The following SARDH variants were observed in gnomAD, a reference collection of about 807,000 sequenced individuals.
SARDH encodes sarcosine dehydrogenase, also known as sarcosine dehydrogenase, mitochondrial.
In SARDH, 95 loss-of-function variants were observed where a neutral mutation model predicts 109.1. The observed-to-expected ratio is 0.87, with a 90% CI of 0.74 to 1.03. SARDH has a LOEUF of 1.03. SARDH is among the 50% of genes least tolerant of loss of function. The pLI, the probability that SARDH is intolerant of heterozygous loss-of-function variation, is 0.00. For synonymous variants in SARDH, 572 were observed against 534.8 expected (o/e 1.07, Z -0.96); for missense variants, 1,267 against 1,287.8 (o/e 0.98, Z 0.25).
chr9:133,733,950 C>T lies in SARDH; in HGVS notation c.224G>A (p.Gly75Asp), dbSNP rs1832774000. ...STANVVVIGG[G>D]SLGCQTLYHL... ...GTACAGGGTCTGGCAGCCCAAGCTG[C>T]CTCCACCAATGACCACCACGTTGGC... The change falls in exon 2 of 21, where the codon GGC becomes GAC. Residue 75 changes from glycine to aspartate, a missense_variant. Coordinates refer to ENST00000439388, the MANE Select transcript of SARDH (RefSeq NM_001134707.2). 1.2e-6 allele frequency: 2 copies of T among 1,605,934 alleles called. No homozygotes were observed.
intron 17 of SARDH, among the ~76,000 whole-genome samples, chr9:133,681,433 G>A (rs943125950): frequency 1.3e-5 from 2 of 152,212 alleles, no homozygotes; most frequent in Non-Finnish European, 2.9e-5. Context: ...ATGAGAACCC[G>A]TTGGCCTGGG....
At chr9:133,694,219 C>T (rs1236946970) in intron 15 of SARDH, 39 bp downstream of exon 15, 10 of 1,436,924 alleles carry the variant, frequency 7.0e-6, no homozygotes, top group African/African-American at 1.4e-5. Flanking sequence ...ACAGAGCAGG[C>T]CGCAGTCACA....
intron 18 of SARDH, among the ~76,000 whole-genome samples, chr9:133,671,066 C>T (rs768847711): frequency 2.1e-4 from 32 of 152,220 alleles, no homozygotes; most frequent in South Asian, 6.2e-4. Context: ...AGCTGCCTGA[C>T]GCCCAAGCTG....
chr9:133,681,554 G>C (rs1375139949), intron 17 of SARDH, among the ~76,000 whole-genome samples: 1 of 152,198 alleles, frequency 6.6e-6, no homozygotes, highest in African/African-American at 2.4e-5. Context: ...GAGGGAAGGA[G>C]CCACATCTTC....
chr9:133,690,467 G>T lies in SARDH; in HGVS notation c.1982C>A (p.Thr661Asn), dbSNP rs765995193. The change falls in exon 16 of 21, where the codon ACC becomes AAC. Residue 661 changes from threonine (T) to asparagine (N), a missense_variant. Thr to Asn is a moderately conservative substitution (Grantham distance 65). Transcript: ENST00000439388. ...AVAQHNWSHITTVLQDQKSQC... is the reference protein window; with the variant it reads ...AVAQHNWSHINTVLQDQKSQC... Reference sequence around the variant, plus strand: ...GGACTTCTGGTCCTGCAGCACGGTGGTGATGTGGGACCAGTTGTGCTGGGC... The same window carrying T: ...GGACTTCTGGTCCTGCAGCACGGTGTTGATGTGGGACCAGTTGTGCTGGGC... 1 of 1,612,212 alleles carries T rather than the reference G, an allele frequency of 6.2e-7. No individual in the cohort carries two copies. Among genetic ancestry groups the T allele is most frequent in the African/African-American group, 1.3e-5 (1 of 74,922 alleles).
At chr9:133,721,101 C>T (rs778910328) in intron 6 of SARDH, among the ~76,000 whole-genome samples, 24 of 152,182 alleles carry the variant, frequency 1.6e-4, no homozygotes, top group Non-Finnish European at 2.1e-4. Context: ...AAAATGGAGT[C>T]GAGAAAAATG....
intron 8 of SARDH, among the ~76,000 whole-genome samples, chr9:133,715,570 G>A (rs1409349386): frequency 3.3e-5 from 5 of 152,118 alleles, no homozygotes; most frequent in South Asian, 2.1e-4. Context: ...CCCTGCTGAC[G>A]GCTGAGCAGA....
chr9:133,665,463 ACT>A (rs1473592290), intron 20 of SARDH, among the ~76,000 whole-genome samples: 3 of 151,662 alleles, frequency 2.0e-5, no homozygotes, highest in Admixed American at 2.0e-4. Flanking sequence ...ATTAAGACTC[ACT>A]CTGTGCAGTG....
intron 19 of SARDH, among the ~76,000 whole-genome samples, chr9:133,670,045 C>T (rs990665317): frequency 3.9e-5 from 6 of 152,200 alleles, no homozygotes; most frequent in Non-Finnish European, 8.8e-5. Flanking sequence ...TGGTTTGAAT[C>T]CCAGCATGTT....
chr9:133,694,178 TC>T (rs1425672702), intron 15 of SARDH, 79 bp downstream of exon 15: 1 of 1,062,480 alleles, frequency 9.4e-7, no homozygotes, highest in Non-Finnish European at 1.4e-6. Flanking sequence ...GCCCATCCCG[TC>T]CATCCTGCCC....
In SARDH at chr9:133,699,214, T is replaced by C. The variant is rs532641853; in HGVS notation, c.1669-2853A>G. ...ATACAAAATTAGCTGGGCGTGGTGG[T>C]GCATGCCTGTAATCCCAGCTACTCA... On this transcript the variant is annotated intron_variant, in intron 13 of 20. Coordinates refer to ENST00000439388, the MANE Select transcript of SARDH (RefSeq NM_001134707.2). 1.3e-4 allele frequency among the ~76,000 whole-genome samples: 20 copies of C among 151,864 alleles called. 2 individuals carry two copies. The highest frequency in any genetic ancestry group is 1.3e-3 in the Admixed American group (20 of 15,254).
rs759513791 is a variant in SARDH at position 133,704,150 on chromosome 9, C to A, written c.1554+798G>T. Among the ~76,000 whole-genome samples, 2 of 152,084 alleles carry A rather than the reference C, an allele frequency of 1.3e-5. No individual in the cohort carries two copies. The highest frequency in any genetic ancestry group is 1.3e-4 in the Admixed American group (2 of 15,280). ...GAGACGATGACCTGCAAGGCTCTGA[C>A]CCCAGAGCCGTGGCCCCGTTAGCCA... On this transcript the variant is annotated intron_variant, in intron 12 of 20. Coordinates refer to ENST00000439388, the MANE Select transcript of SARDH (RefSeq NM_001134707.2). This position sits in a 1 kb window ranked among gnomAD's most constrained non-coding sequence, Gnocchi z 4.5.
intron 1 of SARDH, among the ~76,000 whole-genome samples, chr9:133,737,705 G>A (rs1021102959): frequency 6.6e-6 from 1 of 152,248 alleles, no homozygotes; most frequent in African/African-American, 2.4e-5. Flanking sequence ...TGGTCAGTCA[G>A]GGCTCTTCTG....
intron 7 of SARDH, 96 bp from the exon 8 acceptor site, chr9:133,717,551 C>G: frequency 6.5e-7 from 1 of 1,530,210 alleles, no homozygotes; most frequent in South Asian, 1.2e-5. Context: ...AGGCCAGCCT[C>G]TGCTGAATCA....
At chr9:133,713,172 C>T in intron 8 of SARDH, 48 bp from the exon 9 acceptor site, 1 of 1,526,910 alleles carries the variant, frequency 6.5e-7, no homozygotes, top group South Asian at 1.2e-5. Context: ...AGTGCACATA[C>T]TCTTGGGGTG....
At chr9:133,685,986 C>T (rs1215363130) in intron 16 of SARDH, among the ~76,000 whole-genome samples, 1 of 152,150 alleles carries the variant, frequency 6.6e-6, no homozygotes, top group African/African-American at 2.4e-5. Context: ...GAGAGCTGGG[C>T]TTAGCACCCA....
At chr9:133,676,382 G>A (rs188627836) in intron 17 of SARDH, among the ~76,000 whole-genome samples, 297 of 152,278 alleles carry the variant, frequency 2.0e-3, no homozygotes, top group Middle Eastern at 3.4e-3. Flanking sequence ...TTGCCTCAAT[G>A]GGGACAGAGC....
intron 17 of SARDH, among the ~76,000 whole-genome samples, chr9:133,683,371 G>A (rs1415220030): frequency 2.0e-5 from 3 of 152,242 alleles, no homozygotes; most frequent in African/African-American, 4.8e-5. Flanking sequence ...AAACCAGACA[G>A]AAGCAGCACC....
At position 133,704,955 on chromosome 9, in the gene SARDH, G is replaced by A; in HGVS notation, c.1547C>T (p.Pro516Leu). 6.3e-7 allele frequency: 1 copy of A among 1,577,086 alleles called. No homozygotes were observed. The highest frequency in any genetic ancestry group is 1.2e-5 in the South Asian group (1 of 85,848). The stretch of plus-strand genomic sequence containing the variant: ...CCAGCAGGCACTACTCACCGGAGCT[G>A]GGCCTCGGGGATGAAACCATCCCGG... ...ERPGWFHPRG[P>L]APVLEYDYYG... is the part of the protein sequence containing the mutation. Residue 516 changes from proline to leucine, a missense_variant, in exon 12 of 21, where the codon CCA becomes CTA. Physicochemically the swap from Pro to Leu is moderately conservative, Grantham distance 98. Coordinates refer to ENST00000439388, the MANE Select transcript of SARDH (RefSeq NM_001134707.2). The surrounding 1 kb of genome is among the most constrained non-coding windows in gnomAD (Gnocchi z 4.5).
Sources: allele counts gnomAD v4.1 joint callset (sites outside exome capture counted in the v4.1 genomes callset), GRCh38; gene constraint gnomAD v4.1.1; non-coding constraint Gnocchi (gnomAD v3.1); transcripts MANE v1.5; gene names NCBI Gene and HGNC (gene_info 2026-07-23, HGNC 2026-07-21).